Variants in ERMP1 observed in about 807,000 individuals in gnomAD.
The protein encoded by ERMP1 is endoplasmic reticulum metallopeptidase 1, also known as Felix-ina.
A neutral mutation model predicts 92.0 loss-of-function variants in ERMP1; 86 were observed. The observed-to-expected ratio is 0.93, with a 90% CI of 0.79 to 1.12. The LOEUF is 1.12. Among genes scored for constraint, ERMP1 ranks in the 50% most tolerant of loss-of-function variants. The pLI is 0.00. For missense variants in ERMP1, 1,342 were observed against 1,116.3 expected, an observed-to-expected ratio of 1.20 and a Z score of -2.88; for synonymous variants, 530 against 412.8, an observed-to-expected ratio of 1.28 and a Z score of -3.44.
chr9:5,853,574 G>A (rs72697335), intron 6 of ERMP1, among the ~76,000 whole-genome samples: 13 of 152,054 alleles, frequency 8.5e-5, no homozygotes, highest in Non-Finnish European at 1.8e-4. Flanking sequence ...ATGTGGTTTG[G>A]CCTGGAGAAA....
At chr9:5,855,199 C>T (rs1301646049) in intron 6 of ERMP1, among the ~76,000 whole-genome samples, 2 of 152,094 alleles carry the variant, frequency 1.3e-5, no homozygotes, top group African/African-American at 4.8e-5. Flanking sequence ...AAAATAGAAG[C>T]TAAATCCTTT....
intron 4 of ERMP1, among the ~76,000 whole-genome samples, chr9:5,820,203 G>T (rs1220100172): frequency 1.3e-5 from 2 of 152,134 alleles, no homozygotes; most frequent in Non-Finnish European, 2.9e-5. Context: ...GCAGGCTGAG[G>T]CAAGAGAATC....
chr9:5,859,726 T>C (rs1830435519), intron 5 of ERMP1, among the ~76,000 whole-genome samples: 3 of 152,236 alleles, frequency 2.0e-5, no homozygotes, highest in Admixed American at 6.5e-5. Context: ...TGAGGAATTA[T>C]GTTAATTCCC....
chr9:5,842,134 G>A (rs956307715), intron 6 of ERMP1, among the ~76,000 whole-genome samples: 1 of 152,186 alleles, frequency 6.6e-6, no homozygotes, highest in Non-Finnish European at 1.5e-5. Context: ...TCCACACAGT[G>A]CAAGGGGACT....
rs1827965274 is a variant in ERMP1, at chr9:5,786,980, A to T, written c.*164T>A. The T allele has an allele frequency of 1.5e-6, 1 of 655,890 alleles. No individual in the cohort carries two copies. The highest frequency in any genetic ancestry group is 3.4e-5 in the Admixed American group (1 of 29,678). The allele number at this position is 655,890 out of a possible 1,614,324, so 40.6% of individuals were successfully genotyped here. On this transcript the variant is annotated 3_prime_UTR_variant, in exon 15 of 15. Transcript: ENST00000339450. ...GCCATGCATCACTGCGCCACAGCTA[A>T]ACCCTTATAGTGCTTGGCCCTGAAA...
chr9:5,824,117 A>T, intron 3 of ERMP1, 116 bp from the exon 4 acceptor site: 1 of 731,660 alleles, frequency 1.4e-6, no homozygotes, highest in Admixed American at 2.7e-5. Context: ...AAAACAAAAT[A>T]ATCGCTCTTC....
At chr9:5,838,091 G>C (rs1456664760), upstream of ERMP1, among the ~76,000 whole-genome samples, 1 of 151,780 alleles carries the variant, frequency 6.6e-6, no homozygotes, top group Non-Finnish European at 1.5e-5. Flanking sequence ...GAACGAGACT[G>C]TGTCTCCAAA....
At chr9:5,814,709 G>T (rs895185554) in intron 4 of ERMP1, among the ~76,000 whole-genome samples, 3 of 152,114 alleles carry the variant, frequency 2.0e-5, no homozygotes, top group African/African-American at 7.2e-5. Context: ...CAGCCTGGGT[G>T]ACAGAGTGAG....
chr9:5,801,192 T>C lies in ERMP1; in HGVS notation c.2051A>G (p.Lys684Arg). 1 of 1,612,440 alleles carries C rather than the reference T, an allele frequency of 6.2e-7. No homozygotes were observed. The highest frequency in any genetic ancestry group is 8.5e-7 in the Non-Finnish European group (1 of 1,179,408). Residue 684 changes from lysine (K) to arginine (R), a missense_variant, in exon 11 of 15, where the codon AAG (lysine) becomes AGG (arginine). By Grantham distance (26) the Lys-to-Arg change is conservative. Transcript: ENST00000339450. ...ACTGCTCACCTGAAGAAACACTCTC[T>C]TTGGCTTCGGATTAGCAGGATTGGA... ...YSSNPANPKP[K>R]RVFLQHMTRT...
At chr9:5,829,500 C>G (rs1351295362) in intron 2 of ERMP1, among the ~76,000 whole-genome samples, 2 of 152,206 alleles carry the variant, frequency 1.3e-5, no homozygotes, top group East Asian at 1.9e-4. Flanking sequence ...TTAATAAAAA[C>G]TTTTAAAAAT....
At chr9:5,821,232 G>C (rs973038990) in intron 4 of ERMP1, among the ~76,000 whole-genome samples, 1 of 152,184 alleles carries the variant, frequency 6.6e-6, no homozygotes, top group Non-Finnish European at 1.5e-5. Context: ...ATAGAAAGTA[G>C]TGCATTAATG....
At chr9:5,800,956 C>T (rs564034445) in intron 11 of ERMP1, among the ~76,000 whole-genome samples, 30 of 152,286 alleles carry the variant, frequency 2.0e-4, no homozygotes, top group Non-Finnish European at 3.7e-4. Context: ...TAAAAACAAG[C>T]AAACATTTCC....
At chr9:5,827,756 G>C (rs1394577493) in intron 2 of ERMP1, among the ~76,000 whole-genome samples, 1 of 152,102 alleles carries the variant, frequency 6.6e-6, no homozygotes, top group East Asian at 1.9e-4. Context: ...GGCGGAGGTT[G>C]CAGTGAGCAG....
intron 4 of ERMP1, among the ~76,000 whole-genome samples, chr9:5,814,378 T>G (rs901246071): frequency 2.2e-4 from 34 of 152,312 alleles, no homozygotes; most frequent in African/African-American, 7.0e-4. Flanking sequence ...ACCAAGTAAC[T>G]GAATGTCAGG....
chr9:5,847,227 AC>A (rs1830247742), intron 6 of ERMP1, among the ~76,000 whole-genome samples: 1 of 152,130 alleles, frequency 6.6e-6, no homozygotes, highest in Non-Finnish European at 1.5e-5. Context: ...TATGTTATCA[AC>A]CCAAATATCA....
In ERMP1 at chr9:5,785,572, T is replaced by C. The variant is rs1301176627; in HGVS notation, c.*1572A>G. On this transcript the variant is annotated 3_prime_UTR_variant, in exon 15 of 15. Transcript: ENST00000339450. The stretch of plus-strand genomic sequence containing the variant: ...GCAGCCCCATCTACATGGGCCCAGT[T>C]AGTTTTTAGGGAGTCACAGATTAGG... The C allele has an allele frequency of 6.6e-6, 1 of 152,476 alleles. No homozygotes were observed. Among genetic ancestry groups the C allele is most frequent in the Non-Finnish European group, 1.5e-5 (1 of 68,046 alleles). 9.4% of individuals were successfully genotyped at this position (152,476 alleles called of 1,614,324 possible). A position where few individuals can be genotyped will look rare whatever the true frequency, so the allele number is the denominator to read the frequency against.
chr9:5,850,395 A>C (rs568961048), intron 6 of ERMP1, among the ~76,000 whole-genome samples: 75 of 85,238 alleles, frequency 8.8e-4, no homozygotes, highest in African/African-American at 3.2e-3. Context: ...ACGAGAATGA[A>C]ACTCCGTCTC....
intron 4 of ERMP1, 85 bp from the exon 5 acceptor site, chr9:5,813,120 TA>T (rs1189703989): frequency 2.0e-6 from 3 of 1,470,212 alleles, no homozygotes; most frequent in Non-Finnish European, 2.8e-6. Context: ...TAGAAAACAG[TA>T]AAAGTGGTGG....
rs1350766062 is a variant in ERMP1 at position 5,784,601 on chromosome 9, GTAAGGCAACA to G, written c.*2533_*2542del. On this transcript the variant is annotated 3_prime_UTR_variant, in exon 15 of 15. Coordinates refer to ENST00000339450, the MANE Select transcript of ERMP1 (RefSeq NM_024896.3). ...TTAAACAGTTTATTTCAGTAACATT[GTAAGGCAACA>G]ATTAATCCTCAGTAAGTCAGCAAAC... 6.6e-6 allele frequency: 1 copy of G among 152,600 alleles called. No individual in the cohort carries two copies. Among genetic ancestry groups the G allele is most frequent in the African/African-American group, 2.4e-5 (1 of 41,436 alleles). The allele number at this position is 152,600 out of a possible 1,614,324, so 9.5% of individuals were successfully genotyped here. A position where few individuals can be genotyped will look rare whatever the true frequency, so the allele number is the denominator to read the frequency against.
Sources: allele counts gnomAD v4.1 joint callset (sites outside exome capture counted in the v4.1 genomes callset), GRCh38; gene constraint gnomAD v4.1.1; transcripts MANE v1.5; gene names NCBI Gene and HGNC (gene_info 2026-07-23, HGNC 2026-07-21).